The following ATP2B1 variants were observed in gnomAD, a reference collection of about 807,000 sequenced individuals.
The protein encoded by ATP2B1 is plasma membrane calcium-transporting ATPase 1.
ATP2B1 carries 14 observed loss-of-function variants against 124.2 expected under a neutral mutation model. That is an observed-to-expected ratio of 0.11 (90% CI 0.07 to 0.18). ATP2B1 has a LOEUF of 0.18. Among genes scored for constraint, ATP2B1 ranks in the 10% least tolerant of loss-of-function variants. The pLI, the probability that ATP2B1 is intolerant of heterozygous loss-of-function variation, is 1.00. For synonymous variants in ATP2B1, 449 were observed against 492.4 expected (o/e 0.91, Z 1.17); for missense variants, 763 against 1,466.1 (o/e 0.52, Z 7.83).
rs889536550 is a variant in ATP2B1 at position 89,688,179 on chromosome 12, A to T, written c.-222+20417T>A. On this transcript the variant is annotated intron_variant, in intron 1 of 20. Coordinates refer to ENST00000428670, the MANE Select transcript of ATP2B1 (RefSeq NM_001366521.1). ...AAGGAGAAGATACAGCCTTCAGCCA[A>T]GGTCAGATTTTTGTTCACTGTGCCA... Among the ~76,000 whole-genome samples, 7 of 152,098 alleles carry T rather than the reference A, an allele frequency of 4.6e-5. No homozygotes were observed. In the South Asian group the frequency reaches 1.4e-3, roughly 31 times the overall value.
Position 89,653,635 on chromosome 12 carries a change from G to A in ATP2B1, c.208+2044C>T, listed in dbSNP as rs558132372. On this transcript the variant is annotated intron_variant, in intron 2 of 20. Transcript: ENST00000428670. ...TGAGTGCTAAGTGGATATTTCTAGAGATTATCCATAGCTTCCAACATACTG... is the reference window on the plus strand; with the variant it reads ...TGAGTGCTAAGTGGATATTTCTAGAAATTATCCATAGCTTCCAACATACTG... Among the ~76,000 whole-genome samples the A allele has an allele frequency of 4.6e-5, 7 of 152,268 alleles. No individual in the cohort carries two copies. The South Asian group carries it at 1.5e-3, about 32-fold the overall frequency.
At position 89,620,212 on chromosome 12, in the gene ATP2B1, C is replaced by T. The variant is rs746659681; in HGVS notation, c.1616G>A (p.Arg539His). 1.2e-6 allele frequency: 2 copies of T among 1,613,882 alleles called. No homozygotes were observed. Among genetic ancestry groups the T allele is most frequent in the Admixed American group, 3.3e-5 (2 of 60,014 alleles). The change falls in exon 11 of 21, where the codon CGT becomes CAT. Residue 539 changes from arginine (R) to histidine (H), a missense_variant. Transcript: ENST00000428670. ...LPPEKEGGLP[R>H]HVGNKTECAL... is the part of the protein sequence containing the mutation. ...ACATTCAGTTTTATTACCAACGTGA[C>T]GAGGTAATCCACCCTCTTTCTCTGG...
In ATP2B1 at chr12:89,603,996, A is replaced by G. The variant is rs1173287152; in HGVS notation, c.2635-71T>C. ...GCTCAGCAATTCTCAGGAAACCTTT[A>G]GGGTTTAAAAACTTGAGAAACAGAA... On this transcript the variant is annotated intron_variant, in intron 16 of 20. Coordinates refer to ENST00000428670, the MANE Select transcript of ATP2B1 (RefSeq NM_001366521.1). The surrounding 1 kb of genome is among the most constrained non-coding windows in gnomAD (Gnocchi z 4.3). 1.3e-6 allele frequency: 2 copies of G among 1,500,160 alleles called. No homozygotes were observed. The highest frequency in any genetic ancestry group is 2.8e-5 in the African/African-American group (2 of 70,694). The allele number at this position is 1,500,160 out of a possible 1,614,324, so 92.9% of individuals were successfully genotyped here. A position where few individuals can be genotyped will look rare whatever the true frequency, so the allele number is the denominator to read the frequency against.
intron 15 of ATP2B1, among the ~76,000 whole-genome samples, chr12:89,605,386 T>C (rs1191082050): frequency 6.6e-6 from 1 of 152,164 alleles, no homozygotes; most frequent in Non-Finnish European, 1.5e-5. Context: ...TTAATATCAT[T>C]ATTTTGGGAG....
At chr12:89,667,620 G>C (rs906256611) in intron 1 of ATP2B1, among the ~76,000 whole-genome samples, 1 of 152,126 alleles carries the variant, frequency 6.6e-6, no homozygotes, top group Non-Finnish European at 1.5e-5. Context: ...AAAGGTATCT[G>C]AGTAAACTCT....
chr12:89,680,076 T>C (rs1280912205), intron 1 of ATP2B1, among the ~76,000 whole-genome samples: 1 of 152,136 alleles, frequency 6.6e-6, no homozygotes, highest in Non-Finnish European at 1.5e-5. Context: ...TAAGCATTCT[T>C]AAACTAAGAA....
At chr12:89,708,176 G>A (rs1273194818) in intron 1 of ATP2B1, among the ~76,000 whole-genome samples, 3 of 152,260 alleles carry the variant, frequency 2.0e-5, no homozygotes, top group African/African-American at 7.2e-5. Context: ...CCGGGGCGCG[G>A]GGAGAGGGAG....
chr12:89,707,273 G>A (rs1373401023), intron 1 of ATP2B1, among the ~76,000 whole-genome samples: 1 of 152,160 alleles, frequency 6.6e-6, no homozygotes, highest in Non-Finnish European at 1.5e-5. Context: ...CACACCCTCT[G>A]CCAGATGAGA....
chr12:89,698,006 G>T, intron 1 of ATP2B1, among the ~76,000 whole-genome samples: 1 of 152,096 alleles, frequency 6.6e-6, no homozygotes, highest in Non-Finnish European at 1.5e-5. Context: ...TAGTAGTGGG[G>T]ATTACAGGCC....
chr12:89,611,327 G>A lies in ATP2B1; in HGVS notation c.2113C>T (p.Arg705Trp). 2.5e-6 allele frequency: 4 copies of A among 1,576,498 alleles called. No homozygotes were observed. Among genetic ancestry groups the A allele is most frequent in the Non-Finnish European group, 2.6e-6 (3 of 1,163,056 alleles). ...TTAATATTATCACCAGTGACCATCCGCACAGTAATTCCAGCCCTCTGACAC... is the reference window on the plus strand; with the variant it reads ...TTAATATTATCACCAGTGACCATCCACACAGTAATTCCAGCCCTCTGACAC... ...KKCQRAGITV[R>W]MVTGDNINTA... Residue 705 changes from arginine (R) to tryptophan (W), a missense_variant, in exon 13 of 21, where the codon CGG (arginine) becomes TGG (tryptophan). By Grantham distance (101) the Arg-to-Trp change is moderately radical. Transcript: ENST00000428670.
In ATP2B1 at chr12:89,624,378, G is replaced by A. The variant is rs759383861; in HGVS notation, c.1149C>T (p.Ile383=). Residue 383 remains isoleucine (I), a synonymous_variant, in exon 9 of 21, where the codon ATC becomes ATT. Coordinates refer to ENST00000428670, the MANE Select transcript of ATP2B1 (RefSeq NM_001366521.1). Reference sequence around the variant, plus strand: ...AATATAATACTAGAATGATAACTGTGATGGCAGACATCAACAGACCTTTCA... The same window carrying A: ...AATATAATACTAGAATGATAACTGTAATGGCAGACATCAACAGACCTTTCA... ...IGKAGLLMSA[I]TVIILVLYFV... 23 of 1,613,550 alleles carry A rather than the reference G, an allele frequency of 1.4e-5. No individual in the cohort carries two copies. Among genetic ancestry groups the A allele is most frequent in the Non-Finnish European group, 1.9e-5 (22 of 1,179,676 alleles).
intron 1 of ATP2B1, among the ~76,000 whole-genome samples, chr12:89,657,125 T>C (rs1189694948): frequency 6.6e-6 from 1 of 152,196 alleles, no homozygotes; most frequent in Non-Finnish European, 1.5e-5. Context: ...TAAATAGCTC[T>C]GCCACCACCA....
chr12:89,688,938 T>A (rs769629206), intron 1 of ATP2B1, among the ~76,000 whole-genome samples: 39 of 152,120 alleles, frequency 2.6e-4, no homozygotes, highest in Non-Finnish European at 4.1e-4. Flanking sequence ...GCTTATAGGT[T>A]CCTTTACCAA....
intron 1 of ATP2B1, among the ~76,000 whole-genome samples, chr12:89,677,525 C>G (rs1266709422): frequency 6.6e-6 from 1 of 152,134 alleles, no homozygotes; most frequent in Non-Finnish European, 1.5e-5. Flanking sequence ...CATTTTACAA[C>G]TGAAAATGCC....
intron 2 of ATP2B1, among the ~76,000 whole-genome samples, chr12:89,652,468 T>C (rs1885382477): frequency 6.6e-6 from 1 of 152,226 alleles, no homozygotes; most frequent in Admixed American, 6.5e-5. Flanking sequence ...ACTTCAGTTT[T>C]ACCTAACTGA....
intron 1 of ATP2B1, among the ~76,000 whole-genome samples, chr12:89,707,118 A>C (rs1892552106): frequency 6.6e-6 from 1 of 152,206 alleles, no homozygotes; most frequent in Non-Finnish European, 1.5e-5. Context: ...GCACAAGTAC[A>C]AAAAGCAGAT....
chr12:89,639,201 T>C (rs1883136875), intron 3 of ATP2B1, among the ~76,000 whole-genome samples: 1 of 152,152 alleles, frequency 6.6e-6, no homozygotes, highest in African/African-American at 2.4e-5. Context: ...AGTGTACTAA[T>C]AATGATTTTA....
intron 2 of ATP2B1, among the ~76,000 whole-genome samples, chr12:89,643,441 T>G (rs1353359389): frequency 2.0e-5 from 3 of 152,126 alleles, no homozygotes; most frequent in Admixed American, 2.0e-4. Flanking sequence ...ATACTTCGAT[T>G]GATATAACAG....
At chr12:89,677,971 T>TATATACACACAC (rs1461216851) in intron 1 of ATP2B1, among the ~76,000 whole-genome samples, 2 of 52,324 alleles carry the variant, frequency 3.8e-5, no homozygotes, top group Admixed American at 1.9e-4. Context: ...TATATATATA[T>TATATACACACAC]ACACACACAC....
Sources: allele counts gnomAD v4.1 joint callset (sites outside exome capture counted in the v4.1 genomes callset), GRCh38; gene constraint gnomAD v4.1.1; non-coding constraint Gnocchi (gnomAD v3.1); transcripts MANE v1.5; gene names NCBI Gene and HGNC (gene_info 2026-07-23, HGNC 2026-07-21).